Variants in COBL observed in about 807,000 individuals in gnomAD.
COBL encodes protein cordon-bleu.
COBL carries 51 observed loss-of-function variants against 98.8 expected under a neutral mutation model. The observed-to-expected ratio is 0.52, with a 90% CI of 0.41 to 0.65. COBL has a LOEUF of 0.65. Among genes scored for constraint, COBL ranks in the 30% least tolerant of loss-of-function variants. The pLI is 0.00. For missense variants in COBL, 1,617 were observed against 1,617.5 expected, an observed-to-expected ratio of 1.00 and a Z score of 0.01; for synonymous variants, 634 against 651.7, an observed-to-expected ratio of 0.97 and a Z score of 0.41.
At chr7:51,026,998 C>T (rs373261495) in intron 10 of COBL, among the ~76,000 whole-genome samples, 6 of 152,160 alleles carry the variant, frequency 3.9e-5, no homozygotes, top group African/African-American at 7.2e-5. Context: ...TCAAAGGCTA[C>T]GTAGTTTCAA....
intron 7 of COBL, among the ~76,000 whole-genome samples, chr7:51,048,229 A>T (rs1789906501): frequency 6.6e-6 from 1 of 152,210 alleles, no homozygotes; most frequent in South Asian, 2.1e-4. Context: ...AATTTTGAAC[A>T]ATCATGCATC....
At chr7:51,200,170 A>C (rs78231007) in intron 2 of COBL, among the ~76,000 whole-genome samples, 4,771 of 152,286 alleles carry the variant, frequency 0.031, 215 homozygotes, top group South Asian at 0.15. Context: ...ATCCAGAAAA[A>C]CTGTAGTTTA....
chr7:51,081,666 T>G (rs1281767679), intron 7 of COBL, among the ~76,000 whole-genome samples: 1 of 152,206 alleles, frequency 6.6e-6, no homozygotes, highest in East Asian at 1.9e-4. Context: ...CTGTGCAGGC[T>G]GCCACAGAGC....
In COBL at chr7:51,027,814, T is replaced by A; in HGVS notation, c.3282A>T (p.Lys1094Asn). The change falls in exon 10 of 13, where the codon AAA becomes AAT. Residue 1094 changes from lysine (K) to asparagine (N), a missense_variant. This residue lies in a region of COBL where 1,304 missense variants were observed against 1,282.0 expected (regional missense o/e 1.02). Transcript: ENST00000265136. The stretch of plus-strand genomic sequence containing the variant: ...CTGGTCTCTGGACAACAGGTTTGAA[T>A]TTTTTCTTCGGCCCAAAAATGCTGG... ...WPPSIFGPKK[K>N]FKPVVQRPVP... 1 of 1,614,226 alleles carries A rather than the reference T, an allele frequency of 6.2e-7. No individual in the cohort carries two copies. The highest frequency in any genetic ancestry group is 8.5e-7 in the Non-Finnish European group (1 of 1,180,050).
At chr7:51,059,560 G>C (rs1791109779) in intron 7 of COBL, among the ~76,000 whole-genome samples, 4 of 151,834 alleles carry the variant, frequency 2.6e-5, no homozygotes, top group African/African-American at 9.7e-5. Context: ...CAGGGAGAAG[G>C]GGGGGCCTGA....
intron 4 of COBL, chr7:51,187,969 C>G: frequency 8.1e-7 from 1 of 1,232,378 alleles, no homozygotes; most frequent in Non-Finnish European, 1.0e-6. Flanking sequence ...CTGGAAAAGG[C>G]AGGCAATGAG....
At position 51,028,713 on chromosome 7, in the gene COBL, G is replaced by C. The variant is rs1787855429; in HGVS notation, c.2383C>G (p.Pro795Ala). Residue 795 changes from proline to alanine, a missense_variant, in exon 10 of 13, where the codon CCT (proline) becomes GCT (alanine). Around this residue, in one of 3 missense-constraint regions of COBL, gnomAD observed 1,304 missense variants for 1,282.0 expected, o/e 1.02. Transcript: ENST00000265136. Reference sequence around the variant, plus strand: ...GGATTCTGCGTCTGCGTGGGCACAGGGGTGGAGGGGGGTCCCCTGGCAGAG... The same window carrying C: ...GGATTCTGCGTCTGCGTGGGCACAGCGGTGGAGGGGGGTCCCCTGGCAGAG... ...ESSARGPPST[P>A]VPTQTQNPES... 6.2e-7 allele frequency: 1 copy of C among 1,613,896 alleles called. No homozygotes were observed.
At chr7:51,065,459 C>G (rs754481100) in intron 7 of COBL, 1 of 692,430 alleles carries the variant, frequency 1.4e-6, no homozygotes, top group South Asian at 1.5e-5. Flanking sequence ...ACTGTAGGGG[C>G]AAGGAGGAAA....
chr7:51,027,723 T>C lies in COBL; in HGVS notation c.3373A>G (p.Arg1125Gly), dbSNP rs374999093. The change falls in exon 10 of 13, where the codon AGA becomes GGA. Residue 1125 changes from arginine (R) to glycine (G), a missense_variant. Arg to Gly is a moderately radical substitution (Grantham distance 125). Around this residue, in one of 3 missense-constraint regions of COBL, gnomAD observed 1,304 missense variants for 1,282.0 expected, o/e 1.02. Transcript: ENST00000265136. ...GCCGCCATCCTCACCTTGCGTAGTC[T>C]GTCCTTCCCTCCCGCAGAGTGGATG... ...EAIHSAGGKD[R>G]LRKTAEHTGE... The C allele has an allele frequency of 3.2e-5, 51 of 1,612,632 alleles. No homozygotes were observed. The highest frequency in any genetic ancestry group is 1.6e-4 in the Middle Eastern group (1 of 6,070).
intron 1 of COBL, among the ~76,000 whole-genome samples, chr7:51,244,082 G>A (rs922134699): frequency 3.9e-5 from 6 of 152,076 alleles, no homozygotes; most frequent in African/African-American, 7.2e-5. Flanking sequence ...CTCTGCCCAC[G>A]CCCTCCTCTC....
At chr7:51,315,395 G>A (rs1276303019) in intron 1 of COBL, among the ~76,000 whole-genome samples, 1 of 152,218 alleles carries the variant, frequency 6.6e-6, no homozygotes, top group African/African-American at 2.4e-5. Flanking sequence ...GAGCCCGACT[G>A]AAAGTCTTTT....
At chr7:51,149,839 G>T (rs896207312) in intron 5 of COBL, among the ~76,000 whole-genome samples, 1 of 152,162 alleles carries the variant, frequency 6.6e-6, no homozygotes, top group African/African-American at 2.4e-5. Flanking sequence ...TGGCCAGGCT[G>T]GTCTTGAACT....
intron 2 of COBL, among the ~76,000 whole-genome samples, chr7:51,194,911 A>G (rs1790452450): frequency 6.6e-6 from 1 of 151,552 alleles, no homozygotes; most frequent in African/African-American, 2.4e-5. Context: ...TAGATGCTGG[A>G]TATTAGACCT....
At chr7:51,156,679 G>T in intron 5 of COBL, 1 of 664,434 alleles carries the variant, frequency 1.5e-6, no homozygotes. Flanking sequence ...CCAATGTACA[G>T]TCAATAAAAA....
chr7:51,176,718 T>C (rs1196680667), intron 5 of COBL, among the ~76,000 whole-genome samples: 3 of 152,238 alleles, frequency 2.0e-5, no homozygotes, highest in Admixed American at 6.5e-5. Flanking sequence ...AAGGCACAGT[T>C]TGAATCCAAA....
intron 8 of COBL, among the ~76,000 whole-genome samples, chr7:51,037,618 C>T (rs142493363): frequency 6.6e-6 from 1 of 152,208 alleles, no homozygotes; most frequent in Non-Finnish European, 1.5e-5. Flanking sequence ...AATGCAACCA[C>T]CACATGCACA....
intron 5 of COBL, among the ~76,000 whole-genome samples, chr7:51,165,990 C>A (rs1006341766): frequency 6.6e-6 from 1 of 151,772 alleles, no homozygotes; most frequent in African/African-American, 2.4e-5. Flanking sequence ...AGTTTATAGT[C>A]ATATATGCCT....
At chr7:51,037,927 C>T (rs138445548) in intron 8 of COBL, among the ~76,000 whole-genome samples, 3 of 152,198 alleles carry the variant, frequency 2.0e-5, no homozygotes, top group African/African-American at 7.2e-5. Context: ...TCTCAGCTCA[C>T]TGCAACCTCT....
chr7:51,301,384 G>A (rs1021293164), intron 1 of COBL, among the ~76,000 whole-genome samples: 9 of 152,140 alleles, frequency 5.9e-5, no homozygotes, highest in East Asian at 1.9e-4. Context: ...ACTCTGTGAC[G>A]GGGAACTGCC....
Sources: allele counts gnomAD v4.1 joint callset (sites outside exome capture counted in the v4.1 genomes callset), GRCh38; gene constraint gnomAD v4.1.1; regional missense constraint gnomAD v4.1.1; transcripts MANE v1.5; gene names NCBI Gene and HGNC (gene_info 2026-07-23, HGNC 2026-07-21).